DOCK7: variants seen among roughly 807,000 people sequenced by gnomAD.
The protein encoded by DOCK7 is dedicator of cytokinesis 7.
DOCK7 carries 138 observed loss-of-function variants against 271.0 expected under a neutral mutation model. The observed-to-expected ratio is 0.51, with a 90% CI of 0.44 to 0.59. The LOEUF (loss-of-function observed/expected upper bound fraction) is 0.59. Among genes scored for constraint, DOCK7 ranks in the 20% least tolerant of loss-of-function variants. The probability of loss-of-function intolerance (pLI) is 0.00; values close to 1 mark genes in which losing one functional copy is unlikely to be tolerated. For synonymous variants in DOCK7, 823 were observed against 876.1 expected (o/e 0.94, Z 1.07); for missense variants, 2,066 against 2,592.4 (o/e 0.80, Z 4.41).
chr1:62,590,467 A>G (rs1400146454), intron 14 of DOCK7, among the ~76,000 whole-genome samples: 1 of 152,204 alleles, frequency 6.6e-6, no homozygotes, highest in East Asian at 1.9e-4. Context: ...AAGTATGTCT[A>G]TAATTCCTCA....
chr1:62,624,227 T>C (rs1653646038), intron 12 of DOCK7, among the ~76,000 whole-genome samples: 1 of 151,794 alleles, frequency 6.6e-6, no homozygotes, highest in Admixed American at 6.6e-5. Flanking sequence ...TGTACACTCA[T>C]ACAAAAGGGG....
At chr1:62,511,526 T>C (rs1644483994) in intron 33 of DOCK7, among the ~76,000 whole-genome samples, 1 of 152,096 alleles carries the variant, frequency 6.6e-6, no homozygotes, top group Non-Finnish European at 1.5e-5. Flanking sequence ...TGAAAGTAAA[T>C]GTTCAGAGTT....
At chr1:62,506,062 C>CAAG (rs1458286341) in intron 35 of DOCK7, among the ~76,000 whole-genome samples, 22 of 151,638 alleles carry the variant, frequency 1.5e-4, no homozygotes, top group African/African-American at 5.3e-4. Context: ...GATACAATGG[C>CAAG]AAGAAATCAT....
chr1:62,601,555 T>TA (rs1650123977), intron 14 of DOCK7, among the ~76,000 whole-genome samples: 1 of 151,632 alleles, frequency 6.6e-6, no homozygotes, highest in South Asian at 2.1e-4. Context: ...ACTCTGTCTC[T>TA]AAAAAATAAT....
chr1:62,498,473 T>C (rs1485589550), intron 37 of DOCK7, among the ~76,000 whole-genome samples: 3 of 152,166 alleles, frequency 2.0e-5, no homozygotes, highest in Admixed American at 1.3e-4. Context: ...CGCATTATAT[T>C]AACAACACCA....
intron 34 of DOCK7, among the ~76,000 whole-genome samples, chr1:62,510,238 A>C (rs2149332684): frequency 6.6e-6 from 1 of 152,336 alleles, no homozygotes; most frequent in African/African-American, 2.4e-5. Flanking sequence ...CATAACGACA[A>C]ATGTCAGGTT....
intron 14 of DOCK7, among the ~76,000 whole-genome samples, chr1:62,610,541 C>A (rs1482560186): frequency 6.6e-6 from 1 of 152,066 alleles, no homozygotes; most frequent in South Asian, 2.1e-4. Context: ...TAGGTATACA[C>A]GTGGTATGGT....
chr1:62,627,971 CA>C lies in DOCK7; in HGVS notation c.1283-2571del, dbSNP rs1412834687. The C allele has an allele frequency of 3.6e-5, 5 of 140,370 alleles. No individual in the cohort carries two copies. In the East Asian group the frequency reaches 1.0e-3, roughly 28 times the overall value. The allele number at this position is 140,370 out of a possible 1,614,324, so 8.7% of individuals were successfully genotyped here. On this transcript the variant is annotated intron_variant, in intron 11 of 49. Coordinates refer to ENST00000635253, the MANE Select transcript of DOCK7 (RefSeq NM_001367561.1). ...CTGGAAGACCCACTCTTCTCAATTTCAAAACTTAGCCTTCAAAGGTAAAGTA... is the reference window on the plus strand; with the variant it reads ...CTGGAAGACCCACTCTTCTCAATTTCAAACTTAGCCTTCAAAGGTAAAGTA...
intron 14 of DOCK7, among the ~76,000 whole-genome samples, chr1:62,588,394 T>C (rs889283642): frequency 2.0e-5 from 3 of 151,992 alleles, no homozygotes; most frequent in Non-Finnish European, 4.4e-5. Flanking sequence ...GAGGAAAAAA[T>C]AGGTACCTAG....
At chr1:62,604,414 A>G in intron 14 of DOCK7, 1 of 898,522 alleles carries the variant, frequency 1.1e-6, no homozygotes, top group East Asian at 2.6e-5. Context: ...CAGGTATTTT[A>G]CCTCTAATCT....
At chr1:62,505,468 A>C (rs1227923312) in intron 36 of DOCK7, among the ~76,000 whole-genome samples, 2 of 152,208 alleles carry the variant, frequency 1.3e-5, no homozygotes, top group African/African-American at 2.4e-5. Context: ...AGAACTGGTT[A>C]AAGGTGATTC....
chr1:62,641,433 C>T (rs964388276), intron 7 of DOCK7: 2 of 402,180 alleles, frequency 5.0e-6, no homozygotes, highest in Non-Finnish European at 1.0e-5. Context: ...TGGTCCAAAG[C>T]AGCCTGGCCT....
intron 1 of DOCK7, among the ~76,000 whole-genome samples, chr1:62,685,376 T>C (rs1661609941): frequency 6.6e-6 from 1 of 152,190 alleles, no homozygotes; most frequent in Admixed American, 6.5e-5. Flanking sequence ...CACGAATTGA[T>C]TCAGAAGTAT....
intron 18 of DOCK7, among the ~76,000 whole-genome samples, chr1:62,563,480 G>A (rs950870856): frequency 1.3e-5 from 2 of 151,782 alleles, no homozygotes; most frequent in Non-Finnish European, 2.9e-5. Flanking sequence ...GTTTCAAAAA[G>A]CAATTATGAA....
intron 20 of DOCK7, among the ~76,000 whole-genome samples, chr1:62,558,089 TGGAA>T (rs964307405): frequency 1.3e-5 from 2 of 152,166 alleles, no homozygotes; most frequent in African/African-American, 4.8e-5. Flanking sequence ...TCCTAAAGTG[TGGAA>T]GACCCAACTT....
At chr1:62,477,581 C>A in intron 44 of DOCK7, 119 bp downstream of exon 44, 1 of 1,056,342 alleles carries the variant, frequency 9.5e-7, no homozygotes, top group Non-Finnish European at 1.3e-6. Context: ...TATTCTCTAA[C>A]GGAGTAGTTT....
At chr1:62,659,503 GAATA>G (rs1658424306) in intron 2 of DOCK7, among the ~76,000 whole-genome samples, 1 of 151,854 alleles carries the variant, frequency 6.6e-6, no homozygotes, top group African/African-American at 2.4e-5. Flanking sequence ...GAAAAATAGA[GAATA>G]AACAAAAAAT....
intron 31 of DOCK7, among the ~76,000 whole-genome samples, chr1:62,516,000 G>T (rs990545986): frequency 7.2e-5 from 11 of 152,074 alleles, no homozygotes; most frequent in African/African-American, 2.4e-4. Context: ...TTTAATAAAT[G>T]ATGTTGAGAC....
intron 1 of DOCK7, among the ~76,000 whole-genome samples, chr1:62,677,442 G>T (rs1383057405): frequency 2.0e-5 from 3 of 152,106 alleles, no homozygotes; most frequent in African/African-American, 7.2e-5. Context: ...AAGATACGAA[G>T]ATAAGAGGCT....
Sources: allele counts gnomAD v4.1 joint callset (sites outside exome capture counted in the v4.1 genomes callset), GRCh38; gene constraint gnomAD v4.1.1; transcripts MANE v1.5; gene names NCBI Gene and HGNC (gene_info 2026-07-23, HGNC 2026-07-21).